IL1RAPL1: variants seen among roughly 807,000 people sequenced by gnomAD.
The protein encoded by IL1RAPL1 is interleukin 1 receptor accessory protein like 1.
In IL1RAPL1, 3 loss-of-function variants were observed where a neutral mutation model predicts 48.4. That is an observed-to-expected ratio of 0.06 (90% CI 0.03 to 0.16). The LOEUF is 0.16. Among genes scored for constraint, IL1RAPL1 ranks in the 10% least tolerant of loss-of-function variants. The pLI, the probability that IL1RAPL1 is intolerant of heterozygous loss-of-function variation, is 1.00. For missense variants in IL1RAPL1, 349 were observed against 530.6 expected (o/e 0.66, Z 3.36); for synonymous variants, 185 against 187.7 (o/e 0.99, Z 0.12).
At chrX:29,824,284 A>G (rs1372871441) in intron 6 of IL1RAPL1, among the ~76,000 whole-genome samples, 2 of 111,437 alleles carry the variant, frequency 1.8e-5, no homozygotes, top group African/African-American at 6.5e-5. Flanking sequence ...TAATTTAATT[A>G]ATGAATAAAG....
chrX:29,506,438 T>TTCTC, intron 5 of IL1RAPL1, among the ~76,000 whole-genome samples: 1 of 90,640 alleles, frequency 1.1e-5, no homozygotes, highest in Admixed American at 1.2e-4. Flanking sequence ...TCCTTCTCCT[T>TTCTC]CTCCTCCTCC....
At chrX:29,195,702 G>A (rs182115152) in intron 2 of IL1RAPL1, among the ~76,000 whole-genome samples, 30 of 109,016 alleles carry the variant, frequency 2.8e-4, no homozygotes, top group African/African-American at 9.7e-4. Context: ...TGGGATTACA[G>A]ACATGCGCTA....
At chrX:29,205,147 A>G (rs1175822283) in intron 2 of IL1RAPL1, among the ~76,000 whole-genome samples, 1 of 111,503 alleles carries the variant, frequency 9.0e-6, no homozygotes, top group African/African-American at 3.3e-5. Context: ...GTTCCCATAG[A>G]CCAAGGTTGA....
chrX:28,697,558 T>G (rs528315711), intron 1 of IL1RAPL1, among the ~76,000 whole-genome samples: 1 of 111,679 alleles, frequency 9.0e-6, no homozygotes, highest in African/African-American at 3.2e-5. Flanking sequence ...AGTTACTCTT[T>G]AAATTTCCTC....
intron 2 of IL1RAPL1, among the ~76,000 whole-genome samples, chrX:29,219,609 C>T (rs957016189): frequency 2.7e-5 from 3 of 111,485 alleles, no homozygotes; most frequent in East Asian, 2.8e-4. Flanking sequence ...TGAAAGATCT[C>T]GCCACTTCCA....
At chrX:29,080,994 T>TTCTTTCTCTC (rs1569232789) in intron 2 of IL1RAPL1, among the ~76,000 whole-genome samples, 41 of 26,423 alleles carry the variant, frequency 1.6e-3, no homozygotes, top group Non-Finnish European at 2.6e-3. Context: ...CTTTCTTTCT[T>TTCTTTCTCTC]TCTCTCTCTC....
intron 2 of IL1RAPL1, among the ~76,000 whole-genome samples, chrX:28,814,668 G>A (rs1355784465): frequency 6.4e-5 from 7 of 110,162 alleles, no homozygotes; most frequent in Middle Eastern, 9.2e-3. Flanking sequence ...TTTAGACTAG[G>A]CCCATTTATT....
chrX:29,239,076 C>A (rs761935748), intron 2 of IL1RAPL1, among the ~76,000 whole-genome samples: 1 of 111,821 alleles, frequency 8.9e-6, no homozygotes, highest in Non-Finnish European at 1.9e-5. Flanking sequence ...AAAAAGCTTT[C>A]TTTAAAAAGA....
intron 3 of IL1RAPL1, among the ~76,000 whole-genome samples, chrX:29,388,934 C>T (rs1743371828): frequency 8.9e-6 from 1 of 111,833 alleles, no homozygotes; most frequent in African/African-American, 3.3e-5. Flanking sequence ...GTGAATTTTA[C>T]CTCAGTTAAA....
At chrX:29,552,802 C>CCTTTTTTT (rs766024975) in intron 5 of IL1RAPL1, among the ~76,000 whole-genome samples, 9 of 22,990 alleles carry the variant, frequency 3.9e-4, no homozygotes, top group Non-Finnish European at 6.0e-4. Flanking sequence ...TTTCACTCTC[C>CCTTTTTTT]TTTTTTTTTT....
At chrX:29,264,681 C>A (rs1425070247) in intron 2 of IL1RAPL1, among the ~76,000 whole-genome samples, 3 of 109,864 alleles carry the variant, frequency 2.7e-5, no homozygotes, top group Non-Finnish European at 3.8e-5. Flanking sequence ...TAACATTGAC[C>A]TAAAAATTGA....
intron 6 of IL1RAPL1, among the ~76,000 whole-genome samples, chrX:29,888,226 A>ATT (rs113492482): frequency 2.0e-5 from 2 of 99,549 alleles, no homozygotes; most frequent in Admixed American, 1.1e-4. Context: ...CAACTGAGGA[A>ATT]TTTTTTTTTT....
intron 2 of IL1RAPL1, among the ~76,000 whole-genome samples, chrX:29,204,060 C>G (rs372360580): frequency 6.3e-5 from 7 of 110,973 alleles, no homozygotes; most frequent in African/African-American, 2.3e-4. Context: ...GAATAGCATT[C>G]CATTGTGTAT....
At chrX:29,468,607 T>C (rs146256453) in intron 5 of IL1RAPL1, among the ~76,000 whole-genome samples, 1,924 of 112,228 alleles carry the variant, frequency 0.017, 48 homozygotes, top group African/African-American at 0.058. Flanking sequence ...TCATTTTCTC[T>C]TGTCTGGTCT....
intron 5 of IL1RAPL1, among the ~76,000 whole-genome samples, chrX:29,601,992 GTTTTT>G (rs747032687): frequency 1.8e-5 from 2 of 110,770 alleles, no homozygotes; most frequent in African/African-American, 6.6e-5. Flanking sequence ...TTTGTTTTTT[GTTTTT>G]TTTGAGACGG....
chrX:29,644,646 A>G (rs1314542161), intron 5 of IL1RAPL1, among the ~76,000 whole-genome samples: 1 of 110,268 alleles, frequency 9.1e-6, no homozygotes, highest in Non-Finnish European at 1.9e-5. Context: ...GGTTCACTGC[A>G]ACCTCCGCCT....
chrX:28,874,193 C>G lies in IL1RAPL1; in HGVS notation c.82+84768C>G, dbSNP rs185874453. 7.6e-3 allele frequency among the ~76,000 whole-genome samples: 843 copies of G among 111,296 alleles called. 9 individuals are homozygous for G. The highest frequency in any genetic ancestry group is 0.014 in the Middle Eastern group (3 of 214). ...AGATTTTCATACTCAAGGCCTTATT[C>G]ATTGCTTTTTAGAAAGTGTTTTTGT... On this transcript the variant is annotated intron_variant, in intron 2 of 10. Coordinates refer to ENST00000378993, the MANE Select transcript of IL1RAPL1 (RefSeq NM_014271.4).
chrX:29,677,432 A>G (rs1926317362), intron 6 of IL1RAPL1, among the ~76,000 whole-genome samples: 1 of 111,862 alleles, frequency 8.9e-6, no homozygotes, highest in Admixed American at 9.5e-5. Flanking sequence ...TCTGTCCCCC[A>G]TTCTCTTTTA....
intron 1 of IL1RAPL1, among the ~76,000 whole-genome samples, chrX:28,696,286 C>T (rs968892331): frequency 2.7e-5 from 3 of 110,646 alleles, no homozygotes; most frequent in Admixed American, 1.9e-4. Flanking sequence ...TCTTATATTT[C>T]TATTTAGGAA....
Sources: gnomAD v4.1 joint callset for allele counts (sites outside exome capture counted in the v4.1 genomes callset) on GRCh38, gnomAD v4.1.1 for gene constraint, MANE v1.5 for transcripts, NCBI Gene and HGNC (gene_info 2026-07-23, HGNC 2026-07-21) for gene names.